ITM2A: variants seen among roughly 807,000 people sequenced by gnomAD.
The protein encoded by ITM2A is BRICHOS domain containing 2A.
In ITM2A, 11 loss-of-function variants were observed where a neutral mutation model predicts 16.6. The ratio of observed to expected loss-of-function variants is 0.66; its 90% CI spans 0.42 to 1.10. The LOEUF is 1.10. Ranked by LOEUF, ITM2A falls within the 50% of genes least tolerant of loss-of-function variation. ITM2A has a pLI of 0.00. For synonymous variants in ITM2A, 102 were observed against 71.2 expected (o/e 1.43, Z -2.18); for missense variants, 243 against 206.8 (o/e 1.17, Z -1.07).
intron 1 of ITM2A, among the ~76,000 whole-genome samples, chrX:79,364,691 G>T (rs1385070950): frequency 1.8e-5 from 2 of 111,841 alleles, no homozygotes; most frequent in Admixed American, 9.5e-5. Context: ...GACAACTACT[G>T]CAATGTTTAT....
intron 1 of ITM2A, among the ~76,000 whole-genome samples, chrX:79,365,580 C>G (rs1296783345): frequency 9.1e-6 from 1 of 110,436 alleles, no homozygotes; most frequent in Non-Finnish European, 1.9e-5. Context: ...TTTGCTTATT[C>G]CTCATCGCAC....
At chrX:79,366,310 C>G (rs1018503028) in intron 1 of ITM2A, among the ~76,000 whole-genome samples, 2 of 110,856 alleles carry the variant, frequency 1.8e-5, no homozygotes, top group African/African-American at 3.3e-5. Context: ...GGATGTTGTT[C>G]AACAAGAAAA....
At chrX:79,363,201 CT>C in intron 2 of ITM2A, 62 bp from the exon 3 acceptor site, 1 of 927,911 alleles carries the variant, frequency 1.1e-6, no homozygotes, top group Non-Finnish European at 1.5e-6. Context: ...ATTTGAATGG[CT>C]TTTCACACTC....
intron 1 of ITM2A, chrX:79,366,895 A>C: frequency 2.5e-6 from 1 of 403,708 alleles, no homozygotes; most frequent in Non-Finnish European, 4.3e-6. Context: ...GAACAGACAG[A>C]ACATGGCACG....
rs1002704635 is a variant in ITM2A, at chrX:79,364,256, G to A, written c.112-702C>T. Among the ~76,000 whole-genome samples, 10 of 111,830 alleles carry A rather than the reference G, an allele frequency of 8.9e-5. 1 individual carries two copies. The highest frequency in any genetic ancestry group is 4.6e-3 in the Middle Eastern group (1 of 218). ...TAAATTTAATGTTCCTAATTTAATC[G>A]AGAAATAAAAGTTTCTTAATATCGA... On this transcript the variant is annotated intron_variant, in intron 1 of 5. Transcript: ENST00000373298.
At position 79,367,333 on chromosome X, in the gene ITM2A, C is replaced by T; in HGVS notation, c.-118G>A. On this transcript the variant is annotated 5_prime_UTR_variant, in exon 1 of 6. Transcript: ENST00000373298. ...TTACTTTATCTTCAGTCTAACACTA[C>T]TGCAAGCCGAGGTCTGGGATACTTA... 4.4e-6 allele frequency: 2 copies of T among 453,251 alleles called. No homozygotes were observed. Among genetic ancestry groups the T allele is most frequent in the Non-Finnish European group, 7.4e-6 (2 of 269,332 alleles). 37.4% of individuals were successfully genotyped at this position (453,251 alleles called of 1,213,427 possible).
At position 79,361,031 on chromosome X, in the gene ITM2A, A is replaced by G. The variant is rs996019748; in HGVS notation, c.*58T>C. 4 of 675,694 alleles carry G rather than the reference A, an allele frequency of 5.9e-6. No individual in the cohort carries two copies. In the African/African-American group the frequency reaches 8.8e-5, roughly 15 times the overall value. The allele number at this position is 675,694 out of a possible 1,213,427, so 55.7% of individuals were successfully genotyped here. A position where few individuals can be genotyped will look rare whatever the true frequency, so the allele number is the denominator to read the frequency against. On this transcript the variant is annotated 3_prime_UTR_variant, in exon 6 of 6. Transcript: ENST00000373298. ...TGAGTATCCCATAAACCTTAATGTT[A>G]AAGTCATATTGTAAATCTCTGACTT...
chrX:79,362,433 G>T, intron 4 of ITM2A, 148 bp downstream of exon 4: 1 of 389,498 alleles, frequency 2.6e-6, no homozygotes, highest in Admixed American at 4.9e-5. Flanking sequence ...TTATTTTCTA[G>T]AGCAGTTTTA....
intron 4 of ITM2A, among the ~76,000 whole-genome samples, chrX:79,362,377 A>C (rs931873145): frequency 8.9e-6 from 1 of 111,900 alleles, no homozygotes; most frequent in Non-Finnish European, 1.9e-5. Context: ...TAAGGACACT[A>C]TTTAAATCCT....
In ITM2A at chrX:79,360,798, T is replaced by C. The variant is rs935641481; in HGVS notation, c.*291A>G. 2 of 163,335 alleles carry C rather than the reference T, an allele frequency of 1.2e-5. No individual in the cohort carries two copies. Among genetic ancestry groups the C allele is most frequent in the African/African-American group, 6.1e-5 (2 of 32,934 alleles). The allele number at this position is 163,335 out of a possible 1,213,427, so 13.5% of individuals were successfully genotyped here. ...AAAAAACAACGGATGGAATTTATTG[T>C]CAGGATGTTAGGTGATATATTCATG... On this transcript the variant is annotated 3_prime_UTR_variant, in exon 6 of 6. Coordinates refer to ENST00000373298, the MANE Select transcript of ITM2A (RefSeq NM_004867.5).
In ITM2A at chrX:79,362,502, T is replaced by A. The variant is rs1751133; in HGVS notation, c.552+79A>T. ...AATAAAATAAAATGTTTTGGACAAA[T>A]TCATTATTTTTTTAAAAAACAAGGA... On this transcript the variant is annotated intron_variant, in intron 4 of 5. Transcript: ENST00000373298. 6 of 522,627 alleles carry A rather than the reference T, an allele frequency of 1.1e-5. No homozygotes were observed. The East Asian group carries it at 1.8e-4, about 16-fold the overall frequency. 43.1% of individuals were successfully genotyped at this position (522,627 alleles called of 1,213,427 possible). A position where few individuals can be genotyped will look rare whatever the true frequency, so the allele number is the denominator to read the frequency against.
chrX:79,367,185 C>A lies in ITM2A; in HGVS notation c.31G>T (p.Ala11Ser). 8.3e-7 allele frequency: 1 copy of A among 1,208,348 alleles called. No individual in the cohort carries two copies. Among genetic ancestry groups the A allele is most frequent in the Non-Finnish European group, 1.1e-6 (1 of 893,670 alleles). Residue 11 changes from alanine to serine, a missense_variant, in exon 1 of 6, where the codon GCC becomes TCC. Physicochemically the swap from Ala to Ser is moderately conservative, Grantham distance 99. Transcript: ENST00000373298. MVKIAFNTPT[A>S]VQKEEARQDV... is the part of the protein sequence containing the mutation. ...TGCCGCGCCTCCTCCTTTTGCACGG[C>A]GGTAGGGGTATTGAAGGCGATTTTC...
Position 79,367,086 on chromosome X carries a change from C to CAA in ITM2A, c.111+18_111+19insTT. 2 of 922,789 alleles carry CAA rather than the reference C, an allele frequency of 2.2e-6. No individual in the cohort carries two copies. The highest frequency in any genetic ancestry group is 3.1e-6 in the Non-Finnish European group (2 of 647,312). The allele number at this position is 922,789 out of a possible 1,213,427, so 76.0% of individuals were successfully genotyped here. On this transcript the variant is annotated intron_variant, in intron 1 of 5. Transcript: ENST00000373298. ...TTTCTTTCGCCCACCCCTCCCCCAT[C>CAA]CCGCCCTGGGACAGCTACCTTGCCG...
intron 1 of ITM2A, among the ~76,000 whole-genome samples, chrX:79,365,519 GT>G (rs1925546598): frequency 9.0e-6 from 1 of 111,426 alleles, no homozygotes; most frequent in East Asian, 2.8e-4. Context: ...ATCCTGTTAA[GT>G]TTTCTCCAAA....
In ITM2A at chrX:79,362,985, A is replaced by T; in HGVS notation, c.398T>A (p.Phe133Tyr). 2 of 1,208,359 alleles carry T rather than the reference A, an allele frequency of 1.7e-6. No homozygotes were observed. The highest frequency in any genetic ancestry group is 2.2e-6 in the Non-Finnish European group (2 of 892,543). The change falls in exon 3 of 6, where the codon TTC (phenylalanine) becomes TAC (tyrosine). Residue 133 changes from phenylalanine to tyrosine, a missense_variant. Phe to Tyr is a conservative substitution (Grantham distance 22). Coordinates refer to ENST00000373298, the MANE Select transcript of ITM2A (RefSeq NM_004867.5). ...IAIIDVPVPS[F>Y]SDSDPAAIIH... ...AATTGCTGCAGGGTCACTATCAGAG[A>T]AACTGGGGACAGGCACATCAATGAT...
chrX:79,364,080 A>G (rs923926704), intron 1 of ITM2A, among the ~76,000 whole-genome samples: 1 of 111,770 alleles, frequency 8.9e-6, no homozygotes, highest in Admixed American at 9.5e-5. Flanking sequence ...CAGTTTGTCA[A>G]CTTAAAAGAG....
chrX:79,367,017 G>GC, intron 1 of ITM2A, 88 bp downstream of exon 1: 1 of 629,474 alleles, frequency 1.6e-6, no homozygotes, highest in South Asian at 2.8e-5. Context: ...AGCAAGAGGG[G>GC]CCCTCCCAGG....
chrX:79,365,665 G>GAA (rs11423549), intron 1 of ITM2A, among the ~76,000 whole-genome samples: 16,960 of 98,295 alleles, frequency 0.17, 1,180 homozygotes, highest in South Asian at 0.46. Flanking sequence ...TGGCGGTGAA[G>GAA]AAAAAAAAAA....
intron 1 of ITM2A, among the ~76,000 whole-genome samples, chrX:79,366,659 C>T (rs140608486): frequency 4.3e-3 from 482 of 111,566 alleles, no homozygotes; most frequent in African/African-American, 0.015. Flanking sequence ...ACTTCATCCA[C>T]ACCAAAAGGA....
Sources: allele counts gnomAD v4.1 joint callset (sites outside exome capture counted in the v4.1 genomes callset), GRCh38; gene constraint gnomAD v4.1.1; transcripts MANE v1.5; gene names NCBI Gene and HGNC (gene_info 2026-07-23, HGNC 2026-07-21).